Variants in NDUFAF2 observed in about 807,000 individuals in gnomAD.
NDUFAF2 encodes the protein NADH:ubiquinone oxidoreductase complex assembly factor 2, also known as NADH dehydrogenase [ubiquinone] 1 alpha subcomplex assembly factor 2.
In NDUFAF2, 13 loss-of-function variants were observed where a neutral mutation model predicts 22.8. That is an observed-to-expected ratio of 0.57 (90% CI 0.37 to 0.91). The LOEUF is 0.91. Ranked by LOEUF, NDUFAF2 falls within the 40% of genes least tolerant of loss-of-function variation. The probability of loss-of-function intolerance (pLI) is 0.01; values close to 1 mark genes in which losing one functional copy is unlikely to be tolerated. For missense variants in NDUFAF2, 162 were observed against 195.2 expected, an observed-to-expected ratio of 0.83 and a Z score of 1.01; for synonymous variants, 53 against 64.2, an observed-to-expected ratio of 0.83 and a Z score of 0.84.
At chr5:61,129,292 G>C (rs1753077695) in intron 3 of NDUFAF2, among the ~76,000 whole-genome samples, 1 of 152,104 alleles carries the variant, frequency 6.6e-6, no homozygotes. Flanking sequence ...CCCATTACTG[G>C]TATATACCCA....
chr5:61,008,629 A>G (rs547442681), intron 1 of NDUFAF2, among the ~76,000 whole-genome samples: 24 of 152,234 alleles, frequency 1.6e-4, no homozygotes, highest in African/African-American at 5.5e-4. Flanking sequence ...GAGTATGTAA[A>G]GGGCTTGGTG....
chr5:61,051,347 A>G (rs1430241717), intron 1 of NDUFAF2, among the ~76,000 whole-genome samples: 1 of 152,178 alleles, frequency 6.6e-6, no homozygotes. Context: ...TATTGCAGTC[A>G]ATCTGTGTTC....
intron 1 of NDUFAF2, among the ~76,000 whole-genome samples, chr5:61,062,297 G>A (rs1339251529): frequency 6.6e-6 from 1 of 152,052 alleles, no homozygotes; most frequent in African/African-American, 2.4e-5. Flanking sequence ...GGTGCAAATA[G>A]GCAATTCAGT....
chr5:61,072,513 AT>A (rs1418009958), intron 1 of NDUFAF2, among the ~76,000 whole-genome samples: 6 of 152,126 alleles, frequency 3.9e-5, no homozygotes, highest in African/African-American at 1.2e-4. Flanking sequence ...TTATTAAAAT[AT>A]TTTTTATTGG....
At chr5:61,055,889 A>G (rs1752081017) in intron 1 of NDUFAF2, among the ~76,000 whole-genome samples, 1 of 152,206 alleles carries the variant, frequency 6.6e-6, no homozygotes, top group South Asian at 2.1e-4. Flanking sequence ...TTCCTCAATT[A>G]TAAAAGTGAA....
intron 2 of NDUFAF2, among the ~76,000 whole-genome samples, chr5:61,095,806 C>T (rs1036133503): frequency 1.3e-5 from 2 of 152,192 alleles, no homozygotes; most frequent in Non-Finnish European, 2.9e-5. Flanking sequence ...GTTCCCCTGG[C>T]TCCATGTCGC....
chr5:61,150,470 G>T (rs939426312), intron 3 of NDUFAF2, among the ~76,000 whole-genome samples: 1 of 152,036 alleles, frequency 6.6e-6, no homozygotes. Context: ...TGCCTCAATA[G>T]CTATTATAAG....
chr5:60,973,713 T>A (rs35078341), intron 1 of NDUFAF2, among the ~76,000 whole-genome samples: 15,861 of 152,292 alleles, frequency 0.1, 1,119 homozygotes, highest in South Asian at 0.17. Flanking sequence ...TTTCTAGGTG[T>A]TAAATCACAT....
At chr5:60,965,595 C>G (rs1453288966) in intron 1 of NDUFAF2, among the ~76,000 whole-genome samples, 2 of 152,124 alleles carry the variant, frequency 1.3e-5, no homozygotes, top group African/African-American at 4.8e-5. Flanking sequence ...AAAGATTCCA[C>G]ATATAAGTGA....
At chr5:61,140,603 T>C (rs565028628) in intron 3 of NDUFAF2, among the ~76,000 whole-genome samples, 1 of 152,362 alleles carries the variant, frequency 6.6e-6, no homozygotes, top group South Asian at 2.1e-4. Flanking sequence ...TTGATGTTTG[T>C]ATGAAATTCA....
chr5:61,032,723 C>T (rs1177804368), intron 1 of NDUFAF2, among the ~76,000 whole-genome samples: 1 of 152,020 alleles, frequency 6.6e-6, no homozygotes, highest in East Asian at 1.9e-4. Context: ...TTTTTGGTTC[C>T]ATGTGAACTT....
rs185162822 is a variant in NDUFAF2 at position 61,106,420 on chromosome 5, T to A, written c.258+7388T>A. Among the ~76,000 whole-genome samples the A allele has an allele frequency of 3.2e-4, 49 of 151,436 alleles. 4 individuals carry two copies. Among genetic ancestry groups the A allele is most frequent in the African/African-American group, 1.2e-3 (48 of 40,810 alleles). On this transcript the variant is annotated intron_variant, in intron 3 of 3. Transcript: ENST00000296597. Reference sequence around the variant, plus strand: ...TTTTAATTTTTGATTTTGTGGGTACTTAGTAGGTGTATATACTTAGAAGGT... The same window carrying A: ...TTTTAATTTTTGATTTTGTGGGTACATAGTAGGTGTATATACTTAGAAGGT...
intron 3 of NDUFAF2, among the ~76,000 whole-genome samples, chr5:61,150,011 C>CCT: frequency 6.6e-6 from 1 of 152,264 alleles, no homozygotes; most frequent in Middle Eastern, 3.4e-3. Flanking sequence ...CTCACTGCAA[C>CCT]CTCCACCTCC....
At chr5:61,029,560 G>A (rs1016297426) in intron 1 of NDUFAF2, among the ~76,000 whole-genome samples, 1 of 151,750 alleles carries the variant, frequency 6.6e-6, no homozygotes, top group African/African-American at 2.4e-5. Context: ...TTTTTTCCTG[G>A]CTCTGAAAGC....
chr5:61,066,274 C>T (rs1379285453), intron 1 of NDUFAF2, among the ~76,000 whole-genome samples: 1 of 151,986 alleles, frequency 6.6e-6, no homozygotes, highest in Non-Finnish European at 1.5e-5. Context: ...TTAGAATGTT[C>T]ATAGTACCCA....
At chr5:61,035,080 T>G (rs926778013) in intron 1 of NDUFAF2, among the ~76,000 whole-genome samples, 11 of 151,798 alleles carry the variant, frequency 7.2e-5, no homozygotes, top group Admixed American at 6.6e-4. Flanking sequence ...ATTTTTTTTT[T>G]TTTTGAGACA....
intron 1 of NDUFAF2, among the ~76,000 whole-genome samples, chr5:61,014,398 C>G (rs2112599489): frequency 6.6e-6 from 1 of 152,302 alleles, no homozygotes; most frequent in South Asian, 2.1e-4. Flanking sequence ...AGATTTCACC[C>G]TATATATACC....
At chr5:61,073,354 T>C in intron 2 of NDUFAF2, 140 bp downstream of exon 2, 1 of 698,088 alleles carries the variant, frequency 1.4e-6, no homozygotes, top group Non-Finnish European at 2.5e-6. Flanking sequence ...CTTTGTTTTT[T>C]TAACATTGCA....
At chr5:60,988,035 G>A (rs1431920770) in intron 1 of NDUFAF2, among the ~76,000 whole-genome samples, 1 of 152,018 alleles carries the variant, frequency 6.6e-6, no homozygotes, top group African/African-American at 2.4e-5. Context: ...CATACTCCTG[G>A]CCAAAAAGCA....
Sources: allele counts gnomAD v4.1 joint callset (sites outside exome capture counted in the v4.1 genomes callset), GRCh38; gene constraint gnomAD v4.1.1; transcripts MANE v1.5; gene names NCBI Gene and HGNC (gene_info 2026-07-23, HGNC 2026-07-21).